STX2: variants seen among roughly 807,000 people sequenced by gnomAD.
STX2 encodes the protein syntaxin 2.
In STX2, 27 loss-of-function variants were observed where a neutral mutation model predicts 40.6. The observed-to-expected ratio is 0.66, with a 90% CI of 0.49 to 0.92. The LOEUF (loss-of-function observed/expected upper bound fraction) is 0.92, where lower values mean the gene tolerates loss of function less well. Ranked by LOEUF, STX2 falls within the 40% of genes least tolerant of loss-of-function variation. The pLI is 0.00. For missense variants in STX2, 328 were observed against 366.1 expected, an observed-to-expected ratio of 0.90 and a Z score of 0.85; for synonymous variants, 123 against 119.1, an observed-to-expected ratio of 1.03 and a Z score of -0.22.
At chr12:130,819,020 T>C (rs1952008785) in intron 3 of STX2, among the ~76,000 whole-genome samples, 1 of 152,154 alleles carries the variant, frequency 6.6e-6, no homozygotes, top group Admixed American at 6.5e-5. Flanking sequence ...AAGTAGAAAG[T>C]GAAAAAAGAA....
At chr12:130,810,267 C>T (rs532367265) in intron 4 of STX2, among the ~76,000 whole-genome samples, 4 of 152,160 alleles carry the variant, frequency 2.6e-5, no homozygotes, top group African/African-American at 9.6e-5. Flanking sequence ...GTAATATTGC[C>T]CTTATTAAGT....
Position 130,796,026 on chromosome 12 carries a change from C to G in STX2, c.*14G>C, listed in dbSNP as rs765480999. 6.2e-7 allele frequency: 1 copy of G among 1,614,066 alleles called. No homozygotes were observed. Among genetic ancestry groups the G allele is most frequent in the East Asian group, 2.2e-5 (1 of 44,886 alleles). ...CCTGGCAGAGAGGCATGCACACTGA[C>G]GTTATCCACACCATCATTTGCCAAC... On this transcript the variant is annotated 3_prime_UTR_variant, in exon 10 of 11. Coordinates refer to ENST00000392373, the MANE Select transcript of STX2 (RefSeq NM_194356.4).
intron 3 of STX2, among the ~76,000 whole-genome samples, chr12:130,818,185 A>AAAAAAAAATATATATATAT: frequency 9.9e-5 from 7 of 70,538 alleles, no homozygotes; most frequent in Non-Finnish European, 1.6e-4. Flanking sequence ...AAAAAAAAAA[A>AAAAAAAAATATATATATAT]ATATATATAT....
rs551481345 is a variant in STX2 at position 130,798,511 on chromosome 12, G to A, written c.786+14C>T. The A allele has an allele frequency of 1.5e-5, 24 of 1,575,756 alleles. No individual in the cohort carries two copies. Among genetic ancestry groups the A allele is most frequent in the South Asian group, 6.0e-5 (5 of 83,986 alleles). On this transcript the variant is annotated intron_variant, in intron 9 of 10. Coordinates refer to ENST00000392373, the MANE Select transcript of STX2 (RefSeq NM_194356.4). ...AGAGAAAAACGCAGCTTAATTCTTC[G>A]AAGCCAAACTCACCCTTCTTGCCTT...
At chr12:130,812,354 G>T in intron 4 of STX2, 1 of 454,084 alleles carries the variant, frequency 2.2e-6, no homozygotes, top group Non-Finnish European at 4.4e-6. Flanking sequence ...AATAGTCTGG[G>T]AGCGGGTGCG....
chr12:130,800,993 T>C (rs1410592360), intron 8 of STX2, among the ~76,000 whole-genome samples, 160 bp downstream of exon 8: 4 of 152,246 alleles, frequency 2.6e-5, no homozygotes, highest in Admixed American at 6.5e-5. Context: ...TTAAAGCTGC[T>C]TCCAGCATTT....
Position 130,790,445 on chromosome 12 carries a change from C to T in STX2, c.*1578G>A, listed in dbSNP as rs1452108123. 6 of 152,174 alleles carry T rather than the reference C, an allele frequency of 3.9e-5. No homozygotes were observed. The highest frequency in any genetic ancestry group is 8.8e-5 in the Non-Finnish European group (6 of 68,036). The allele number at this position is 152,174 out of a possible 1,614,324, so 9.4% of individuals were successfully genotyped here. ...GGGCATCCTGCATGCACTCCTTTAACATTCTGACTAGTGACTCTCTTAACA... is the reference window on the plus strand; with the variant it reads ...GGGCATCCTGCATGCACTCCTTTAATATTCTGACTAGTGACTCTCTTAACA... On this transcript the variant is annotated 3_prime_UTR_variant, in exon 11 of 11. Coordinates refer to ENST00000392373, the MANE Select transcript of STX2 (RefSeq NM_194356.4).
intron 6 of STX2, 66 bp from the exon 7 acceptor site, chr12:130,801,554 A>G: frequency 6.9e-7 from 1 of 1,455,390 alleles, no homozygotes; most frequent in South Asian, 1.6e-5. Context: ...GCCATTTGCA[A>G]CCATAAGTTA....
intron 9 of STX2, among the ~76,000 whole-genome samples, chr12:130,797,742 C>T (rs1951076130): frequency 6.6e-6 from 1 of 152,134 alleles, no homozygotes; most frequent in Admixed American, 6.5e-5. Context: ...TGCCCCGTAA[C>T]AAAAAAATCA....
Position 130,791,748 on chromosome 12 carries a change from G to A in STX2, c.*275C>T, listed in dbSNP as rs1044563801. On this transcript the variant is annotated 3_prime_UTR_variant, in exon 11 of 11. Transcript: ENST00000392373. ...GGCGCTGTCACTGAACAAGACGTTC[G>A]GTTGTGCTTCTTCCGTGAACTCATA... 1.3e-4 allele frequency: 88 copies of A among 662,300 alleles called. 1 individual carries two copies. The highest frequency in any genetic ancestry group is 2.3e-4 in the Non-Finnish European group (87 of 378,866). 41.0% of individuals were successfully genotyped at this position (662,300 alleles called of 1,614,324 possible). A position where few individuals can be genotyped will look rare whatever the true frequency, so the allele number is the denominator to read the frequency against.
chr12:130,816,092 C>T (rs772965827), intron 3 of STX2, among the ~76,000 whole-genome samples: 1 of 152,248 alleles, frequency 6.6e-6, no homozygotes, highest in Middle Eastern at 3.4e-3. Context: ...CAAGGCCTGG[C>T]CACTGTGCCT....
chr12:130,831,267 C>CATAT (rs1412187618), intron 1 of STX2, among the ~76,000 whole-genome samples: 2 of 152,220 alleles, frequency 1.3e-5, no homozygotes, highest in African/African-American at 2.4e-5. Context: ...TAAACCTTGA[C>CATAT]ATATACACAG....
In STX2 at chr12:130,802,521, A is replaced by G. The variant is rs549940402; in HGVS notation, c.464-1033T>C. Among the ~76,000 whole-genome samples the G allele has an allele frequency of 9.9e-5, 15 of 152,174 alleles. No homozygotes were observed. In the East Asian group the frequency reaches 2.7e-3, roughly 27 times the overall value. On this transcript the variant is annotated intron_variant, in intron 6 of 10. Transcript: ENST00000392373. Reference sequence around the variant, plus strand: ...CCCTTTTTATTTTTTTAACAAAGATACGGTCTCACTCTGTCACCCAGACTG... The same window carrying G: ...CCCTTTTTATTTTTTTAACAAAGATGCGGTCTCACTCTGTCACCCAGACTG...
intron 2 of STX2, among the ~76,000 whole-genome samples, chr12:130,823,987 G>GT (rs1952208524): frequency 6.6e-6 from 1 of 152,150 alleles, no homozygotes; most frequent in Non-Finnish European, 1.5e-5. Context: ...GATCATCTTA[G>GT]TATTACTTTG....
At chr12:130,817,860 G>A (rs566823756) in intron 3 of STX2, among the ~76,000 whole-genome samples, 1 of 150,064 alleles carries the variant, frequency 6.7e-6, no homozygotes, top group Non-Finnish European at 1.5e-5. Context: ...GATAATTTCA[G>A]ATAATAGCGA....
rs1952119886 is a variant in STX2, at chr12:130,821,670, G to T, written c.205+19C>A. 6.2e-7 allele frequency: 1 copy of T among 1,602,566 alleles called. No homozygotes were observed. The highest frequency in any genetic ancestry group is 8.5e-7 in the Non-Finnish European group (1 of 1,169,648). On this transcript the variant is annotated intron_variant, in intron 3 of 10. Coordinates refer to ENST00000392373, the MANE Select transcript of STX2 (RefSeq NM_194356.4). ...CACACAGACAGACAAACGTTTTGTT[G>T]TGAAAACCAACAACTTACTTCCTTC...
At chr12:130,832,978 T>A (rs1952626917) in intron 1 of STX2, among the ~76,000 whole-genome samples, 1 of 152,138 alleles carries the variant, frequency 6.6e-6, no homozygotes, top group African/African-American at 2.4e-5. Flanking sequence ...ACCCTCGCCC[T>A]GCTTATTCCT....
intron 1 of STX2, 34 bp downstream of exon 1, chr12:130,839,028 GCCCCGGCC>G (rs1952833269): frequency 5.7e-5 from 46 of 804,824 alleles, no homozygotes; most frequent in Non-Finnish European, 7.0e-5. Context: ...TCCAGACGCC[GCCCCGGCC>G]GGGCCTGAAC....
At chr12:130,818,781 G>T (rs532972576) in intron 3 of STX2, among the ~76,000 whole-genome samples, 21 of 152,296 alleles carry the variant, frequency 1.4e-4, no homozygotes, top group Admixed American at 4.6e-4. Context: ...CCGCAAGGAC[G>T]ACCGCACCCG....
Sources: gnomAD v4.1 joint callset for allele counts (sites outside exome capture counted in the v4.1 genomes callset) on GRCh38, gnomAD v4.1.1 for gene constraint, MANE v1.5 for transcripts, NCBI Gene and HGNC (gene_info 2026-07-23, HGNC 2026-07-21) for gene names.